HECTD3: variants seen among roughly 807,000 people sequenced by gnomAD.
HECTD3 encodes HECT domain E3 ubiquitin protein ligase 3, also known as E3 ubiquitin-protein ligase HECTD3.
In HECTD3, 72 loss-of-function variants were observed where a neutral mutation model predicts 109.3. That is an observed-to-expected ratio of 0.66 (90% CI 0.54 to 0.80). The LOEUF is 0.80. Among genes scored for constraint, HECTD3 ranks in the 30% least tolerant of loss-of-function variants. The pLI, the probability that HECTD3 is intolerant of heterozygous loss-of-function variation, is 0.00. For synonymous variants in HECTD3, 481 were observed against 471.8 expected (o/e 1.02, Z -0.25); for missense variants, 1,041 against 1,165.2 (o/e 0.89, Z 1.55).
In HECTD3 at chr1:45,003,848, C is replaced by T; in HGVS notation, c.2429+7G>A. On this transcript the variant is annotated splice_region_variant and intron_variant, in intron 19 of 20. Coordinates refer to ENST00000372172, the MANE Select transcript of HECTD3 (RefSeq NM_024602.6). This position sits in a 1 kb window ranked among gnomAD's most constrained non-coding sequence, Gnocchi z 4.7. ...ATGGCACCTTCAGGCCTCCCTCCAG[C>T]ACTCACCCCAGCTTGTCTGGGTAGA... 1 of 1,612,674 alleles carries T rather than the reference C, an allele frequency of 6.2e-7. No individual in the cohort carries two copies. The highest frequency in any genetic ancestry group is 8.5e-7 in the Non-Finnish European group (1 of 1,179,150).
chr1:45,004,425 C>T (rs763301733), intron 16 of HECTD3, 48 bp from the exon 17 acceptor site: 18 of 1,612,834 alleles, frequency 1.1e-5, no homozygotes, highest in Middle Eastern at 1.6e-4. Context: ...GCACACCTCC[C>T]GCCTCACACT....
Position 45,005,757 on chromosome 1 carries a change from C to T in HECTD3, c.1935+37G>A, listed in dbSNP as rs762698405. ...CTTAGGGAGGACCAACCTTTAGGGGCTGGGCAGAGGAAACACTGGTTCCAG... is the reference window on the plus strand; with the variant it reads ...CTTAGGGAGGACCAACCTTTAGGGGTTGGGCAGAGGAAACACTGGTTCCAG... On this transcript the variant is annotated intron_variant, in intron 15 of 20. Coordinates refer to ENST00000372172, the MANE Select transcript of HECTD3 (RefSeq NM_024602.6). 38 of 1,525,078 alleles carry T rather than the reference C, an allele frequency of 2.5e-5. No individual in the cohort carries two copies. The South Asian group carries it at 4.8e-4, about 19-fold the overall frequency. The allele number at this position is 1,525,078 out of a possible 1,614,324, so 94.5% of individuals were successfully genotyped here.
rs796428831 is a variant in HECTD3 at position 45,006,657 on chromosome 1, C to T, written c.1725+35G>A. 2 of 1,563,820 alleles carry T rather than the reference C, an allele frequency of 1.3e-6. No individual in the cohort carries two copies. Among genetic ancestry groups the T allele is most frequent in the South Asian group, 1.1e-5 (1 of 87,382 alleles). ...GCCCCCTTTCTAGCTCAATCTGGCACCTGGGAGGTTTGCAGAGATGGAAAC... is the reference window on the plus strand; with the variant it reads ...GCCCCCTTTCTAGCTCAATCTGGCATCTGGGAGGTTTGCAGAGATGGAAAC... On this transcript the variant is annotated intron_variant, in intron 13 of 20. Transcript: ENST00000372172. This position sits in a 1 kb window ranked among gnomAD's most constrained non-coding sequence, Gnocchi z 4.7.
chr1:45,003,145 C>T lies in HECTD3; in HGVS notation c.*347G>A, dbSNP rs756702805. ...CAGAGAGAAAATAGGAGAAAAAAGG[C>T]GGAGCTGAAAATGGAGGCAAAGTCC... On this transcript the variant is annotated 3_prime_UTR_variant, in exon 21 of 21. Transcript: ENST00000372172. This position sits in a 1 kb window ranked among gnomAD's most constrained non-coding sequence, Gnocchi z 4.7. 3.4e-4 allele frequency: 85 copies of T among 251,774 alleles called. No homozygotes were observed. The highest frequency in any genetic ancestry group is 4.9e-4 in the Non-Finnish European group (63 of 127,976). 15.6% of individuals were successfully genotyped at this position (251,774 alleles called of 1,614,324 possible).
Position 45,010,044 on chromosome 1 carries a change from T to C in HECTD3, c.701A>G (p.Asp234Gly), listed in dbSNP as rs1288242562. 2 of 1,564,174 alleles carry C rather than the reference T, an allele frequency of 1.3e-6. No individual in the cohort carries two copies. Among genetic ancestry groups the C allele is most frequent in the Admixed American group, 1.8e-5 (1 of 56,934 alleles). The change falls in exon 4 of 21, where the codon GAT becomes GGT. Residue 234 changes from aspartate to glycine, a missense_variant. Physicochemically the swap from Asp to Gly is moderately conservative, Grantham distance 94. Around this residue, in one of 2 missense-constraint regions of HECTD3, gnomAD observed 472 missense variants for 449.9 expected, o/e 1.05. Coordinates refer to ENST00000372172, the MANE Select transcript of HECTD3 (RefSeq NM_024602.6). ...HFLYDHLGKE[D>G]ENLGSVKQYV... ...CTGCTTCACGCTACCCAGGTTCTCA[T>C]CCTCCTTGCCCAGGTGGTCATACAA... is the stretch of plus-strand genomic sequence containing the variant.
intron 4 of HECTD3, 86 bp downstream of exon 4, chr1:45,009,900 G>T (rs868335077): frequency 2.0e-6 from 3 of 1,484,472 alleles, no homozygotes; most frequent in Middle Eastern, 1.8e-4. Context: ...TTTTAGTCCT[G>T]GCCTGCAGGT....
rs1376479737 is a variant in HECTD3 at position 45,009,556 on chromosome 1, G to A, written c.875+12C>T. Reference sequence around the variant, plus strand: ...TAGCCCACCCACCCTGTCCTGCCCAGAGCCTACTTACTTGACAATGGTGCC... The same window carrying A: ...TAGCCCACCCACCCTGTCCTGCCCAAAGCCTACTTACTTGACAATGGTGCC... On this transcript the variant is annotated intron_variant, in intron 5 of 20. Transcript: ENST00000372172. 2 of 1,610,718 alleles carry A rather than the reference G, an allele frequency of 1.2e-6. No individual in the cohort carries two copies. Among genetic ancestry groups the A allele is most frequent in the Non-Finnish European group, 1.7e-6 (2 of 1,177,244 alleles).
rs1247788597 is a variant in HECTD3 at position 45,003,603 on chromosome 1, C to T, written c.2502-27G>A. ...TGTGGGAATGGGGACTTGGTCAGGTCCCTACATCGCTACCAGGGGTGATGG... is the reference window on the plus strand; with the variant it reads ...TGTGGGAATGGGGACTTGGTCAGGTTCCTACATCGCTACCAGGGGTGATGG... On this transcript the variant is annotated intron_variant, in intron 20 of 20. Coordinates refer to ENST00000372172, the MANE Select transcript of HECTD3 (RefSeq NM_024602.6). This position sits in a 1 kb window ranked among gnomAD's most constrained non-coding sequence, Gnocchi z 4.7. The T allele has an allele frequency of 1.5e-5, 24 of 1,613,862 alleles. No homozygotes were observed. The highest frequency in any genetic ancestry group is 1.9e-5 in the Non-Finnish European group (22 of 1,179,744).
At chr1:45,004,563 G>C in intron 16 of HECTD3, 37 bp downstream of exon 16, 1 of 1,610,320 alleles carries the variant, frequency 6.2e-7, no homozygotes, top group South Asian at 1.1e-5. Flanking sequence ...CTCAGGAGGG[G>C]CCAAAGCTCT....
intron 15 of HECTD3, chr1:45,005,195 C>G (rs892386210): frequency 3.0e-6 from 1 of 332,474 alleles, no homozygotes; most frequent in African/African-American, 2.1e-5. Flanking sequence ...ATTCTGCATT[C>G]TATCCTAAGC....
chr1:45,006,728 G>A lies in HECTD3; in HGVS notation c.1689C>T (p.Pro563=), dbSNP rs1370205102. The change falls in exon 13 of 21, where the codon CCC becomes CCT. Residue 563 remains proline, a synonymous_variant. Coordinates refer to ENST00000372172, the MANE Select transcript of HECTD3 (RefSeq NM_024602.6). This position sits in a 1 kb window ranked among gnomAD's most constrained non-coding sequence, Gnocchi z 4.7. ...TGCGTACAAAGAAGGGCAGGGGCAC[G>A]GGGGTATCCGCTGAGCTAGGGCACA... The part of the protein sequence containing the change: ...EELCPSSADT[P]VPLPFFVRTA... The A allele has an allele frequency of 2.5e-6, 4 of 1,613,568 alleles. No individual in the cohort carries two copies. The highest frequency in any genetic ancestry group is 2.2e-5 in the East Asian group (1 of 44,864).
chr1:45,004,192 C>A, intron 17 of HECTD3, 56 bp downstream of exon 17: 1 of 1,614,084 alleles, frequency 6.2e-7, no homozygotes, highest in East Asian at 2.2e-5. Flanking sequence ...GTCCTTGAGC[C>A]CCAACCCCTG....
intron 4 of HECTD3, 67 bp from the exon 5 acceptor site, chr1:45,009,750 G>T: frequency 1.5e-6 from 2 of 1,301,304 alleles, no homozygotes; most frequent in African/African-American, 1.5e-5. Context: ...TGTGCTCTGG[G>T]CCAGGAGCAC....
chr1:45,005,908 T>A, intron 14 of HECTD3, 25 bp from the exon 15 acceptor site: 1 of 1,604,842 alleles, frequency 6.2e-7, no homozygotes, highest in Non-Finnish European at 8.5e-7. Context: ...CTCCCCACTG[T>A]CTTCTCACCC....
chr1:45,011,177 C>A lies in HECTD3; in HGVS notation c.81G>T (p.Ala27=). Residue 27 remains alanine, a synonymous_variant, in exon 1 of 21, where the codon GCG becomes GCT. Transcript: ENST00000372172. ...GCGGCCGCCCGGCGCGGAGGCTCCG[C>A]GCTGCCTCTGCCAAGAAGCGCACGC... ...LGRVRFLAEA[A]RSLRAGRPLP... 1 of 1,488,238 alleles carries A rather than the reference C, an allele frequency of 6.7e-7. No homozygotes were observed. The highest frequency in any genetic ancestry group is 8.9e-7 in the Non-Finnish European group (1 of 1,127,630). The allele number at this position is 1,488,238 out of a possible 1,614,324, so 92.2% of individuals were successfully genotyped here.
Position 45,009,446 on chromosome 1 carries a change from G to A in HECTD3, c.912C>T (p.Asn304=), listed in dbSNP as rs757424397. 1.9e-6 allele frequency: 3 copies of A among 1,614,156 alleles called. No individual in the cohort carries two copies. The highest frequency in any genetic ancestry group is 2.2e-5 in the South Asian group (2 of 91,080). Residue 304 remains asparagine, a synonymous_variant, in exon 6 of 21, where the codon AAC becomes AAT. Coordinates refer to ENST00000372172, the MANE Select transcript of HECTD3 (RefSeq NM_024602.6). ...LLLTVDTTDD[N]FMPKRVVVYG... ...AGACCACCACCCGCTTTGGCATAAA[G>A]TTGTCATCTGTGGTATCCACTGTGA...
Position 45,011,315 on chromosome 1 carries a change from G to A in HECTD3, c.-58C>T. The stretch of plus-strand genomic sequence containing the variant: ...ACCCTGCCCGGGGAACAGCTGGCGC[G>A]ACCGCGGACAGAGCTTCCCACCACG... On this transcript the variant is annotated 5_prime_UTR_variant, in exon 1 of 21. Transcript: ENST00000372172. 1 of 1,350,502 alleles carries A rather than the reference G, an allele frequency of 7.4e-7. No individual in the cohort carries two copies. The allele number at this position is 1,350,502 out of a possible 1,614,324, so 83.7% of individuals were successfully genotyped here.
At chr1:45,004,538 T>G (rs1569934846) in intron 16 of HECTD3, 62 bp downstream of exon 16, 1 of 1,600,630 alleles carries the variant, frequency 6.2e-7, no homozygotes, top group Non-Finnish European at 8.6e-7. Flanking sequence ...GTGTTCTGGG[T>G]CCCAGGAGCT....
At chr1:45,010,450 C>T (rs1019279879) in intron 2 of HECTD3, 96 bp downstream of exon 2, 1 of 1,542,796 alleles carries the variant, frequency 6.5e-7, no homozygotes, top group African/African-American at 1.4e-5. Context: ...TGCCTCCGCT[C>T]CAGTATCCCA....
Sources: gnomAD v4.1 joint callset for allele counts on GRCh38, gnomAD v4.1.1 for gene constraint, gnomAD v4.1.1 regional missense constraint, Gnocchi (gnomAD v3.1) non-coding constraint, MANE v1.5 for transcripts, NCBI Gene and HGNC (gene_info 2026-07-23, HGNC 2026-07-21) for gene names.